PGPEP1L: variants seen among roughly 807,000 people sequenced by gnomAD.
PGPEP1L encodes pyroglutamyl-peptidase I like.
A neutral mutation model predicts 6.0 loss-of-function variants in PGPEP1L; 7 were observed. That is an observed-to-expected ratio of 1.17 (90% CI 0.66 to 2.19). The LOEUF (loss-of-function observed/expected upper bound fraction) is 2.19, where lower values mean the gene tolerates loss of function less well. PGPEP1L is among the 30% of genes most tolerant of loss of function. The pLI, the probability that PGPEP1L is intolerant of heterozygous loss-of-function variation, is 0.00. For synonymous variants in PGPEP1L, 103 were observed against 83.9 expected (o/e 1.23, Z -1.24); for missense variants, 209 against 192.5 (o/e 1.09, Z -0.51).
chr15:99,002,036 G>A (rs987121908), intron 2 of PGPEP1L, among the ~76,000 whole-genome samples: 3 of 151,780 alleles, frequency 2.0e-5, no homozygotes, highest in Admixed American at 6.6e-5. Flanking sequence ...TTTTCAGACA[G>A]GATCTCACTC....
chr15:98,971,032 T>TTA lies in PGPEP1L; in HGVS notation c.-19+2_-19+3dup. ...ATGCCCCACTGCCTCTGGCCATCAC[T>TTA]TACTTGCGGCTGATGATCTTCCCAG... is the stretch of plus-strand genomic sequence containing the variant. On this transcript the variant is annotated splice_donor_region_variant and intron_variant, in intron 3 of 4. Coordinates refer to ENST00000535714, the MANE Select transcript of PGPEP1L (RefSeq NM_001167902.2). 1 of 1,613,484 alleles carries TTA rather than the reference T, an allele frequency of 6.2e-7. No homozygotes were observed. Among genetic ancestry groups the TTA allele is most frequent in the East Asian group, 2.2e-5 (1 of 44,866 alleles).
intron 2 of PGPEP1L, among the ~76,000 whole-genome samples, chr15:98,981,465 G>A (rs1432459194): frequency 6.0e-5 from 9 of 149,776 alleles, no homozygotes; most frequent in Admixed American, 6.0e-4. Context: ...ACTCCAGCCT[G>A]GGCAACAGAG....
At chr15:99,001,494 T>C (rs781913915) in intron 2 of PGPEP1L, among the ~76,000 whole-genome samples, 2 of 152,192 alleles carry the variant, frequency 1.3e-5, no homozygotes, top group African/African-American at 2.4e-5. Flanking sequence ...TAGTGATGAA[T>C]ATGTAACTTC....
intron 2 of PGPEP1L, among the ~76,000 whole-genome samples, chr15:98,999,273 A>G (rs1013286078): frequency 1.3e-5 from 2 of 152,250 alleles, no homozygotes; most frequent in Non-Finnish European, 2.9e-5. Context: ...TGGGCAAACC[A>G]CATGAAGAGA....
At chr15:98,987,042 C>T (rs1407214882) in intron 2 of PGPEP1L, among the ~76,000 whole-genome samples, 1 of 151,466 alleles carries the variant, frequency 6.6e-6, no homozygotes, top group African/African-American at 2.4e-5. Flanking sequence ...TGGCATGCAC[C>T]TATAGTCCCA....
intron 4 of PGPEP1L, among the ~76,000 whole-genome samples, chr15:98,969,122 A>T (rs1483868097): frequency 6.6e-6 from 1 of 152,216 alleles, no homozygotes; most frequent in Non-Finnish European, 1.5e-5. Flanking sequence ...TCACCCCAAA[A>T]ATCAAAATCA....
At chr15:99,000,973 A>C (rs1231341760) in intron 2 of PGPEP1L, among the ~76,000 whole-genome samples, 1 of 151,700 alleles carries the variant, frequency 6.6e-6, no homozygotes, top group Non-Finnish European at 1.5e-5. Flanking sequence ...CTCCAGTTTC[A>C]CTCCTGAAAC....
At chr15:98,980,590 A>G (rs953255362) in intron 2 of PGPEP1L, among the ~76,000 whole-genome samples, 1 of 151,112 alleles carries the variant, frequency 6.6e-6, no homozygotes, top group Non-Finnish European at 1.5e-5. Flanking sequence ...TGGGCTGCGC[A>G]GAGTTACTTC....
At chr15:98,972,355 A>AAAATAAATAAATAAATAAAT (rs34372599) in intron 2 of PGPEP1L, among the ~76,000 whole-genome samples, 2 of 144,734 alleles carry the variant, frequency 1.4e-5, no homozygotes, top group African/African-American at 5.0e-5. Flanking sequence ...CTCCGTCTCA[A>AAAATAAATAAATAAATAAAT]AAATAAATAA....
At chr15:98,983,633 A>T (rs2017701384) in intron 2 of PGPEP1L, among the ~76,000 whole-genome samples, 2 of 152,238 alleles carry the variant, frequency 1.3e-5, no homozygotes, top group African/African-American at 4.8e-5. Context: ...GGGAATAATG[A>T]TGTAACTACT....
chr15:98,991,041 A>C (rs2017812764), intron 2 of PGPEP1L, among the ~76,000 whole-genome samples: 1 of 152,210 alleles, frequency 6.6e-6, no homozygotes, highest in Non-Finnish European at 1.5e-5. Flanking sequence ...CCCTAACATC[A>C]CAATTAAAAG....
intron 2 of PGPEP1L, among the ~76,000 whole-genome samples, chr15:98,983,437 C>T (rs1360408642): frequency 1.3e-5 from 2 of 152,190 alleles, no homozygotes; most frequent in African/African-American, 2.4e-5. Flanking sequence ...GACCTCTTGG[C>T]TGCCTAGGCT....
intron 2 of PGPEP1L, among the ~76,000 whole-genome samples, chr15:98,993,799 G>A (rs1400184868): frequency 6.6e-6 from 1 of 151,014 alleles, no homozygotes; most frequent in East Asian, 1.9e-4. Context: ...TTCTGCACAT[G>A]TACCCCAGAA....
chr15:98,977,549 T>C lies in PGPEP1L; in HGVS notation c.-141-6391A>G, dbSNP rs192705430. The stretch of plus-strand genomic sequence containing the variant: ...TCCACTGTGGCCAGAGAACACACTT[T>C]ATGTGACCTGAATCCTTTTGAATTT... On this transcript the variant is annotated intron_variant, in intron 2 of 4. Coordinates refer to ENST00000535714, the MANE Select transcript of PGPEP1L (RefSeq NM_001167902.2). Among the ~76,000 whole-genome samples the C allele has an allele frequency of 1.6e-3, 247 of 152,356 alleles. 3 individuals carry two copies. Among genetic ancestry groups the C allele is most frequent in the Non-Finnish European group, 1.7e-3 (115 of 68,032 alleles).
intron 2 of PGPEP1L, among the ~76,000 whole-genome samples, chr15:98,974,489 G>A (rs2017541093): frequency 6.6e-6 from 1 of 152,138 alleles, no homozygotes; most frequent in Non-Finnish European, 1.5e-5. Context: ...GTAACAGATA[G>A]AATCAGTAAT....
chr15:99,005,515 G>GCGGC lies in PGPEP1L; in HGVS notation c.-232_-229dup, dbSNP rs1555473515. On this transcript the variant is annotated 5_prime_UTR_variant, in exon 2 of 5. An upstream open reading frame in the 5' UTR gains an earlier in-frame stop. Coordinates refer to ENST00000535714, the MANE Select transcript of PGPEP1L (RefSeq NM_001167902.2). ...CCTCCCTGGCTCAGGCAGCGGCCCA[G>GCGGC]CGGCCGGGCTCTGCGCGCTCTGAGC... The GCGGC allele has an allele frequency of 6.6e-6, 1 of 152,392 alleles. No individual in the cohort carries two copies. The highest frequency in any genetic ancestry group is 1.5e-5 in the Non-Finnish European group (1 of 68,058). 9.4% of individuals were successfully genotyped at this position (152,392 alleles called of 1,614,324 possible).
At chr15:98,981,856 C>T (rs1198065361) in intron 2 of PGPEP1L, among the ~76,000 whole-genome samples, 5 of 152,108 alleles carry the variant, frequency 3.3e-5, no homozygotes, top group Non-Finnish European at 7.4e-5. Context: ...AAACAGGGAA[C>T]AAGCTGGAGA....
At chr15:98,986,396 T>C (rs2017747446) in intron 2 of PGPEP1L, among the ~76,000 whole-genome samples, 1 of 152,240 alleles carries the variant, frequency 6.6e-6, no homozygotes, top group Non-Finnish European at 1.5e-5. Flanking sequence ...CATGTCTACA[T>C]AAGGAATCTC....
At chr15:99,005,005 C>A (rs1328978417) in intron 2 of PGPEP1L, among the ~76,000 whole-genome samples, 2 of 151,928 alleles carry the variant, frequency 1.3e-5, no homozygotes, top group Non-Finnish European at 1.5e-5. Flanking sequence ...GTTTGCAAGC[C>A]TTGTGAGGGC....
Sources: allele counts gnomAD v4.1 joint callset (sites outside exome capture counted in the v4.1 genomes callset), GRCh38; gene constraint gnomAD v4.1.1; transcripts MANE v1.5; gene names NCBI Gene and HGNC (gene_info 2026-07-23, HGNC 2026-07-21).